Variants in PXDNL observed in about 807,000 individuals in gnomAD.
PXDNL encodes the protein probable oxidoreductase PXDNL.
A neutral mutation model predicts 150.8 loss-of-function variants in PXDNL; 145 were observed. The observed-to-expected ratio is 0.96, with a 90% CI of 0.84 to 1.10. The LOEUF (loss-of-function observed/expected upper bound fraction) is 1.10, where lower values mean the gene tolerates loss of function less well. PXDNL is among the 50% of genes least tolerant of loss of function. The probability of loss-of-function intolerance (pLI) is 0.00; values close to 1 mark genes in which losing one functional copy is unlikely to be tolerated. For missense variants in PXDNL, 2,087 were observed against 1,873.9 expected, an observed-to-expected ratio of 1.11 and a Z score of -2.10; for synonymous variants, 757 against 725.7, an observed-to-expected ratio of 1.04 and a Z score of -0.69.
At chr8:51,485,345 T>C (rs560193031) in intron 5 of PXDNL, among the ~76,000 whole-genome samples, 1 of 152,278 alleles carries the variant, frequency 6.6e-6, no homozygotes, top group Admixed American at 6.5e-5. Context: ...AAAGAAATGA[T>C]GATGTGAAGA....
At chr8:51,346,657 G>C (rs1361060197) in intron 19 of PXDNL, among the ~76,000 whole-genome samples, 17 of 152,148 alleles carry the variant, frequency 1.1e-4, no homozygotes, top group Non-Finnish European at 2.5e-4. Flanking sequence ...TGCTGTGCCT[G>C]CCATAGTGAG....
chr8:51,408,124 T>C lies in PXDNL; in HGVS notation c.3500A>G (p.Asn1167Ser), dbSNP rs1808486432. ...AATTTCATTTTGAAGATCCTCAAAG[T>C]TCTTAACTGAAGTCAAATTACAGAA... ...RVFCNLTSVK[N>S]FEDLQNEIKD... The change falls in exon 17 of 23, where the codon AAC becomes AGC. Residue 1167 changes from asparagine to serine, a missense_variant. Asn to Ser is a conservative substitution (Grantham distance 46). Coordinates refer to ENST00000356297, the MANE Select transcript of PXDNL (RefSeq NM_144651.5). 3 of 1,612,750 alleles carry C rather than the reference T, an allele frequency of 1.9e-6. No homozygotes were observed. The highest frequency in any genetic ancestry group is 2.5e-6 in the Non-Finnish European group (3 of 1,179,560).
At position 51,483,627 on chromosome 8, in the gene PXDNL, A is replaced by G. The variant is rs1585511397; in HGVS notation, c.524+16T>C. ...TTATAAAAGGTTTTTGTGTTAATGC[A>G]CTTGCTTTCACTTACAATCTTTTTA... On this transcript the variant is annotated intron_variant, in intron 6 of 22. Coordinates refer to ENST00000356297, the MANE Select transcript of PXDNL (RefSeq NM_144651.5). 2 of 1,457,688 alleles carry G rather than the reference A, an allele frequency of 1.4e-6. No individual in the cohort carries two copies. Among genetic ancestry groups the G allele is most frequent in the African/African-American group, 1.4e-5 (1 of 70,158 alleles). The allele number at this position is 1,457,688 out of a possible 1,614,324, so 90.3% of individuals were successfully genotyped here.
At chr8:51,786,087 A>G (rs1301745600) in intron 1 of PXDNL, among the ~76,000 whole-genome samples, 1 of 152,236 alleles carries the variant, frequency 6.6e-6, no homozygotes, top group Non-Finnish European at 1.5e-5. Context: ...AACTATCTAC[A>G]GGAAAAAAGC....
chr8:51,495,020 ATAGT>A (rs1165311869), intron 5 of PXDNL, among the ~76,000 whole-genome samples: 14 of 152,340 alleles, frequency 9.2e-5, no homozygotes, highest in African/African-American at 3.1e-4. Flanking sequence ...AATTGACCAC[ATAGT>A]TGGAAGTAAA....
chr8:51,566,478 G>A (rs1265031615), intron 3 of PXDNL, among the ~76,000 whole-genome samples: 3 of 151,564 alleles, frequency 2.0e-5, no homozygotes, highest in Admixed American at 1.3e-4. Flanking sequence ...ATAAATATGG[G>A]CCTATTTAGA....
chr8:51,378,720 G>A (rs921427791), intron 17 of PXDNL, among the ~76,000 whole-genome samples: 1 of 149,344 alleles, frequency 6.7e-6, no homozygotes, highest in Non-Finnish European at 1.5e-5. Flanking sequence ...GATCCCACTG[G>A]GACAGGACGG....
chr8:51,358,944 G>T (rs1367985320), intron 19 of PXDNL, among the ~76,000 whole-genome samples: 2 of 152,206 alleles, frequency 1.3e-5, no homozygotes, highest in Non-Finnish European at 2.9e-5. Context: ...ACCTCTGAAA[G>T]GGCTTCATGT....
intron 3 of PXDNL, among the ~76,000 whole-genome samples, chr8:51,590,687 T>C (rs1315719686): frequency 6.6e-6 from 1 of 152,170 alleles, no homozygotes; most frequent in African/African-American, 2.4e-5. Flanking sequence ...GTCTATCACA[T>C]GCCAGCAACA....
intron 3 of PXDNL, among the ~76,000 whole-genome samples, chr8:51,583,670 T>C (rs766106445): frequency 6.6e-6 from 1 of 152,198 alleles, no homozygotes; most frequent in Non-Finnish European, 1.5e-5. Context: ...ACGACATAAC[T>C]AGAGCCTAGT....
At chr8:51,771,629 A>T (rs2129242685) in intron 1 of PXDNL, among the ~76,000 whole-genome samples, 1 of 152,318 alleles carries the variant, frequency 6.6e-6, no homozygotes, top group South Asian at 2.1e-4. Context: ...AGAGACAGAG[A>T]CAGAGAGAAA....
At chr8:51,561,971 C>G (rs1203227433) in intron 3 of PXDNL, among the ~76,000 whole-genome samples, 5 of 151,668 alleles carry the variant, frequency 3.3e-5, no homozygotes, top group Admixed American at 1.3e-4. Flanking sequence ...AAACTACATC[C>G]AAAACATTGA....
chr8:51,771,487 G>A (rs191002856), intron 1 of PXDNL, among the ~76,000 whole-genome samples: 3 of 152,284 alleles, frequency 2.0e-5, no homozygotes, highest in African/African-American at 7.2e-5. Context: ...GGTGTGTCAC[G>A]GATGGCTCCT....
At chr8:51,761,870 C>T (rs1413543827) in intron 1 of PXDNL, among the ~76,000 whole-genome samples, 1 of 152,068 alleles carries the variant, frequency 6.6e-6, no homozygotes, top group East Asian at 1.9e-4. Context: ...TATTGCATGC[C>T]CACACACTAA....
rs776904737 is a variant in PXDNL, at chr8:51,472,248, C to T, written c.751G>A (p.Val251Ile). 1.4e-5 allele frequency: 22 copies of T among 1,613,462 alleles called. No homozygotes were observed. The highest frequency in any genetic ancestry group is 1.2e-4 in the African/African-American group (9 of 74,874). ...CCTTCCGCCCGGCAGGTGAAGTAGA[C>T]GGTATTTCCTGATGGTACCTCCACA... The part of the protein sequence containing the change: ...QDVEVPSGNT[V>I]YFTCRAEGNP... Residue 251 changes from valine to isoleucine, a missense_variant, in exon 8 of 23, where the codon GTC (valine) becomes ATC (isoleucine). Physicochemically the swap from Val to Ile is conservative, Grantham distance 29. Transcript: ENST00000356297.
chr8:51,622,623 G>A (rs540030840), intron 2 of PXDNL, among the ~76,000 whole-genome samples: 8 of 152,232 alleles, frequency 5.3e-5, no homozygotes, highest in South Asian at 4.2e-4. Flanking sequence ...TAATAGCCAC[G>A]AACAACCAGA....
intron 20 of PXDNL, among the ~76,000 whole-genome samples, chr8:51,341,851 T>C (rs1805992413): frequency 6.6e-6 from 1 of 152,142 alleles, no homozygotes; most frequent in Admixed American, 6.5e-5. Flanking sequence ...TTATACAACG[T>C]TGGTGGAAAT....
chr8:51,512,275 A>G (rs1811439335), intron 4 of PXDNL, among the ~76,000 whole-genome samples: 1 of 152,232 alleles, frequency 6.6e-6, no homozygotes, highest in Non-Finnish European at 1.5e-5. Flanking sequence ...AGAGGAGCAA[A>G]GACTGAGCCT....
At chr8:51,501,793 G>T (rs1405417632) in intron 4 of PXDNL, among the ~76,000 whole-genome samples, 2 of 152,246 alleles carry the variant, frequency 1.3e-5, no homozygotes, top group African/African-American at 4.8e-5. Context: ...TAAAAAGGAG[G>T]TAGGGGCTGG....
Sources: gnomAD v4.1 joint callset for allele counts (sites outside exome capture counted in the v4.1 genomes callset) on GRCh38, gnomAD v4.1.1 for gene constraint, MANE v1.5 for transcripts, NCBI Gene and HGNC (gene_info 2026-07-23, HGNC 2026-07-21) for gene names.